Variants in LSAMP observed in about 807,000 individuals in gnomAD.
LSAMP encodes the protein limbic system associated membrane protein, also known as limbic system-associated membrane protein.
LSAMP carries 7 observed loss-of-function variants against 38.6 expected under a neutral mutation model. That is an observed-to-expected ratio of 0.18 (90% CI 0.10 to 0.34). LSAMP has a LOEUF of 0.34. Among genes scored for constraint, LSAMP ranks in the 10% least tolerant of loss-of-function variants. The pLI is 1.00. For synonymous variants in LSAMP, 154 were observed against 166.8 expected (o/e 0.92, Z 0.59); for missense variants, 313 against 420.0 (o/e 0.75, Z 2.23).
At chr3:116,287,117 TAA>T in intron 1 of LSAMP, among the ~76,000 whole-genome samples, 1 of 152,256 alleles carries the variant, frequency 6.6e-6, no homozygotes, top group African/African-American at 2.4e-5. Flanking sequence ...GTAATTTTTT[TAA>T]AGTTAACTGT....
At chr3:116,066,215 AT>A (rs139234542) in intron 2 of LSAMP, among the ~76,000 whole-genome samples, 225 of 152,284 alleles carry the variant, frequency 1.5e-3, no homozygotes, top group South Asian at 3.3e-3. Flanking sequence ...TCTGGGGCCT[AT>A]TTTACAGAGG....
At position 116,412,671 on chromosome 3, in the gene LSAMP, C is replaced by T. The variant is rs1230420875; in HGVS notation, c.155+32206G>A. Among the ~76,000 whole-genome samples, 4 of 152,004 alleles carry T rather than the reference C, an allele frequency of 2.6e-5. No individual in the cohort carries two copies. The East Asian group carries it at 7.7e-4, about 29-fold the overall frequency. Reference sequence around the variant, plus strand: ...ATCAACAGTCTAAAGAAATACTAATCCCCAAATTCTTTTAAAATGGGGGAT... The same window carrying T: ...ATCAACAGTCTAAAGAAATACTAATTCCCAAATTCTTTTAAAATGGGGGAT... On this transcript the variant is annotated intron_variant, in intron 1 of 6. Transcript: ENST00000490035.
intron 1 of LSAMP, among the ~76,000 whole-genome samples, chr3:116,309,158 G>A (rs1204203867): frequency 6.6e-6 from 1 of 152,026 alleles, no homozygotes; most frequent in African/African-American, 2.4e-5. Context: ...TATTTATAAA[G>A]CATCAATTAG....
intron 1 of LSAMP, among the ~76,000 whole-genome samples, chr3:116,202,118 TTTTTC>T (rs1303124966): frequency 6.6e-6 from 1 of 151,372 alleles, no homozygotes; most frequent in Non-Finnish European, 1.5e-5. Flanking sequence ...CTCCTTTACT[TTTTTC>T]TTTTCCTTTC....
At chr3:116,280,692 G>T (rs989498930) in intron 1 of LSAMP, among the ~76,000 whole-genome samples, 4 of 152,200 alleles carry the variant, frequency 2.6e-5, no homozygotes, top group African/African-American at 9.6e-5. Context: ...GACAGCATTT[G>T]CTAGGTGACT....
chr3:116,414,703 G>T (rs2049025752), intron 1 of LSAMP, among the ~76,000 whole-genome samples: 1 of 152,064 alleles, frequency 6.6e-6, no homozygotes, highest in Admixed American at 6.5e-5. Flanking sequence ...TTTTCTATTT[G>T]TCTCATGGAA....
intron 1 of LSAMP, among the ~76,000 whole-genome samples, chr3:116,150,388 A>G (rs1360968810): frequency 2.6e-5 from 4 of 152,080 alleles, no homozygotes; most frequent in African/African-American, 9.7e-5. Context: ...CTATGCCTGT[A>G]GATTTAAACA....
At chr3:116,245,095 T>C (rs1411322723) in intron 1 of LSAMP, among the ~76,000 whole-genome samples, 5 of 152,148 alleles carry the variant, frequency 3.3e-5, no homozygotes, top group Non-Finnish European at 7.4e-5. Context: ...AAAGAGGTAA[T>C]TAAGTTAAAG....
chr3:116,345,344 G>A (rs905138628), intron 1 of LSAMP, among the ~76,000 whole-genome samples: 2 of 152,102 alleles, frequency 1.3e-5, no homozygotes, highest in East Asian at 3.9e-4. Context: ...TTGTAAAAAT[G>A]CAGAAATTAG....
chr3:116,227,111 A>G (rs1183705306), intron 1 of LSAMP, among the ~76,000 whole-genome samples: 1 of 152,122 alleles, frequency 6.6e-6, no homozygotes, highest in East Asian at 1.9e-4. Flanking sequence ...ATATTATCAC[A>G]TAGTCACTTT....
rs192938529 is a variant in LSAMP at position 116,442,769 on chromosome 3, T to C, written c.155+2108A>G. Among the ~76,000 whole-genome samples, 298 of 152,314 alleles carry C rather than the reference T, an allele frequency of 2.0e-3. 1 individual carries two copies. Among genetic ancestry groups the C allele is most frequent in the African/African-American group, 6.8e-3 (281 of 41,574 alleles). On this transcript the variant is annotated intron_variant, in intron 1 of 6. Transcript: ENST00000490035. ...TTCTTTCCCAGAGAATAAGTGGTTC[T>C]GTGTTTATTTTTTCTCTCAGAGTCC...
chr3:115,901,932 T>A (rs1307596333), intron 3 of LSAMP, among the ~76,000 whole-genome samples: 1 of 152,068 alleles, frequency 6.6e-6, no homozygotes, highest in African/African-American at 2.4e-5. Flanking sequence ...AGATAACTAT[T>A]TCTGGTAAAA....
At chr3:116,220,363 A>G (rs1296160062) in intron 1 of LSAMP, among the ~76,000 whole-genome samples, 2 of 150,690 alleles carry the variant, frequency 1.3e-5, no homozygotes, top group Admixed American at 1.3e-4. Flanking sequence ...ACACACACAC[A>G]CACACACACA....
chr3:116,282,896 CCTT>C (rs903453982), intron 1 of LSAMP, among the ~76,000 whole-genome samples: 1 of 152,036 alleles, frequency 6.6e-6, no homozygotes, highest in African/African-American at 2.4e-5. Flanking sequence ...TTGTCAGTGT[CCTT>C]CTCAGGGCCT....
chr3:116,199,354 T>G (rs1430987461), intron 1 of LSAMP, among the ~76,000 whole-genome samples: 1 of 152,168 alleles, frequency 6.6e-6, no homozygotes, highest in Non-Finnish European at 1.5e-5. Context: ...AACAATTAGG[T>G]GTTCTTTCTT....
At chr3:116,308,101 T>A (rs1284379411) in intron 1 of LSAMP, among the ~76,000 whole-genome samples, 1 of 152,010 alleles carries the variant, frequency 6.6e-6, no homozygotes, top group African/African-American at 2.4e-5. Flanking sequence ...TTGCTCACGC[T>A]GTTTCTTCTA....
chr3:115,945,405 G>C (rs946455036), intron 3 of LSAMP, among the ~76,000 whole-genome samples: 2 of 152,068 alleles, frequency 1.3e-5, no homozygotes, highest in Non-Finnish European at 2.9e-5. Flanking sequence ...GTCTGTCTCC[G>C]ATGTGAAGGA....
chr3:116,036,085 C>A lies in LSAMP; in HGVS notation c.389-16445G>T, dbSNP rs761301259. Among the ~76,000 whole-genome samples, 7 of 152,306 alleles carry A rather than the reference C, an allele frequency of 4.6e-5. 1 individual carries two copies. In the South Asian group the frequency reaches 1.4e-3, roughly 32 times the overall value. On this transcript the variant is annotated intron_variant, in intron 2 of 6. Coordinates refer to ENST00000490035, the MANE Select transcript of LSAMP (RefSeq NM_002338.5). ...TGGACTACATGAGCAAGAAATAAGT[C>A]ATGAGAACTCAGTAGTATCTGCTTC...
At chr3:115,994,785 T>C (rs1042004974) in intron 3 of LSAMP, among the ~76,000 whole-genome samples, 1 of 152,098 alleles carries the variant, frequency 6.6e-6, no homozygotes, top group Admixed American at 6.6e-5. Flanking sequence ...ATCTGTGGAC[T>C]CAAAAGAAAC....
Sources: gnomAD v4.1 joint callset for allele counts (sites outside exome capture counted in the v4.1 genomes callset) on GRCh38, gnomAD v4.1.1 for gene constraint, MANE v1.5 for transcripts, NCBI Gene and HGNC (gene_info 2026-07-23, HGNC 2026-07-21) for gene names.